Variants in SPAG17 observed in about 807,000 individuals in gnomAD.
The protein encoded by SPAG17 is sperm associated antigen 17.
Under a neutral mutation model 273.6 loss-of-function variants are expected in SPAG17, and 169 were observed. The ratio of observed to expected loss-of-function variants is 0.62; its 90% CI spans 0.55 to 0.70. SPAG17 has a LOEUF of 0.70. Ranked by LOEUF, SPAG17 falls within the 30% of genes least tolerant of loss-of-function variation. The pLI is 0.00. For synonymous variants in SPAG17, 825 were observed against 873.2 expected, an observed-to-expected ratio of 0.94 and a Z score of 0.97; for missense variants, 2,557 against 2,627.8, an observed-to-expected ratio of 0.97 and a Z score of 0.59.
chr1:118,155,962 T>G (rs935951229), intron 1 of SPAG17, among the ~76,000 whole-genome samples: 74 of 152,354 alleles, frequency 4.9e-4, no homozygotes, highest in African/African-American at 1.7e-3. Context: ...CATATTTGTG[T>G]GACTCTAACT....
chr1:118,069,631 T>C (rs1653369083), intron 17 of SPAG17, among the ~76,000 whole-genome samples: 1 of 152,106 alleles, frequency 6.6e-6, no homozygotes, highest in African/African-American at 2.4e-5. Flanking sequence ...TTGAGTAAGG[T>C]ATAATAATGT....
Position 117,954,025 on chromosome 1 carries a change from G to C in SPAG17, c.*25C>G. 6.2e-7 allele frequency: 1 copy of C among 1,611,762 alleles called. No homozygotes were observed. Among genetic ancestry groups the C allele is most frequent in the Non-Finnish European group, 8.5e-7 (1 of 1,178,632 alleles). On this transcript the variant is annotated 3_prime_UTR_variant, in exon 49 of 49. Transcript: ENST00000336338. ...TCTGTAGGCTGAGAGGATTATGGAGGCTATTGAGTTGTACCGAGAAGAAAC... is the reference window on the plus strand; with the variant it reads ...TCTGTAGGCTGAGAGGATTATGGAGCCTATTGAGTTGTACCGAGAAGAAAC...
chr1:118,111,896 A>C (rs1159048957), intron 4 of SPAG17, among the ~76,000 whole-genome samples: 1 of 152,210 alleles, frequency 6.6e-6, no homozygotes, highest in Non-Finnish European at 1.5e-5. Context: ...AGCAAAAGAA[A>C]GAACTAATTT....
chr1:118,015,974 G>C lies in SPAG17; in HGVS notation c.4278C>G (p.Val1426=), dbSNP rs1157354132. Residue 1426 remains valine (V), a synonymous_variant, in exon 29 of 49, where the codon GTC becomes GTG. Transcript: ENST00000336338. ...PLLSFQATDP[V]NGTVMTTRED... Reference sequence around the variant, plus strand: ...CAATAGTTTGTCATACCGTTCCATTGACAGGATCTGTGGCCTGAAAGGATA... The same window carrying C: ...CAATAGTTTGTCATACCGTTCCATTCACAGGATCTGTGGCCTGAAAGGATA... 9.3e-6 allele frequency: 15 copies of C among 1,613,680 alleles called. No homozygotes were observed. Among genetic ancestry groups the C allele is most frequent in the Non-Finnish European group, 1.3e-5 (15 of 1,179,836 alleles).
chr1:118,008,468 C>G (rs1019469317), intron 30 of SPAG17, among the ~76,000 whole-genome samples: 2 of 151,996 alleles, frequency 1.3e-5, no homozygotes, highest in African/African-American at 4.8e-5. Context: ...TTGAGAACAT[C>G]TGATTTTTCA....
At chr1:117,997,137 A>G (rs1311618477) in intron 32 of SPAG17, among the ~76,000 whole-genome samples, 1 of 152,126 alleles carries the variant, frequency 6.6e-6, no homozygotes, top group African/African-American at 2.4e-5. Context: ...ATAATCTGGG[A>G]TGTCAAACAC....
intron 43 of SPAG17, among the ~76,000 whole-genome samples, chr1:117,978,472 C>G (rs936157763): frequency 6.6e-6 from 1 of 152,154 alleles, no homozygotes; most frequent in Non-Finnish European, 1.5e-5. Context: ...CTGGCATCAT[C>G]AAGTTCTCTC....
chr1:118,041,749 C>A (rs1427638780), intron 21 of SPAG17, 54 bp downstream of exon 21: 1 of 1,563,524 alleles, frequency 6.4e-7, no homozygotes, highest in Admixed American at 2.1e-5. Context: ...CGTATTTTCC[C>A]AAAACAATTA....
Position 117,996,641 on chromosome 1 carries a change from G to A in SPAG17, c.4879C>T (p.Leu1627Phe), listed in dbSNP as rs1467293897. The A allele has an allele frequency of 6.2e-7, 1 of 1,611,986 alleles. No homozygotes were observed. Among genetic ancestry groups the A allele is most frequent in the Admixed American group, 1.7e-5 (1 of 59,654 alleles). ...TAGATTTGCTGATGATTCTTTTCAA[G>A]GTGCATAGAGGACAGACTATCATAG... is the stretch of plus-strand genomic sequence containing the variant. ...EGYDSLSSMH[L>F]EKNHQQIYGE... is the part of the protein sequence containing the mutation. Residue 1627 changes from leucine to phenylalanine, a missense_variant, in exon 33 of 49, where the codon CTT becomes TTT. By Grantham distance (22) the Leu-to-Phe change is conservative (BLOSUM62 0). Transcript: ENST00000336338.
chr1:118,010,416 C>T (rs1271480346), intron 30 of SPAG17, among the ~76,000 whole-genome samples: 1 of 152,060 alleles, frequency 6.6e-6, no homozygotes. Context: ...AGCCACACAC[C>T]TACAGTCATC....
intron 30 of SPAG17, among the ~76,000 whole-genome samples, chr1:118,010,566 A>C (rs576065254): frequency 6.6e-6 from 1 of 152,354 alleles, no homozygotes; most frequent in East Asian, 1.9e-4. Context: ...AATTATCTAA[A>C]GATGAATTAA....
intron 26 of SPAG17, among the ~76,000 whole-genome samples, chr1:118,026,677 C>T (rs1647785087): frequency 1.3e-5 from 2 of 152,098 alleles, no homozygotes; most frequent in Admixed American, 1.3e-4. Flanking sequence ...TTGGAAGACA[C>T]TTAGTGACCA....
At chr1:118,078,256 T>C (rs1443613415) in intron 15 of SPAG17, among the ~76,000 whole-genome samples, 1 of 152,132 alleles carries the variant, frequency 6.6e-6, no homozygotes, top group Non-Finnish European at 1.5e-5. Flanking sequence ...ATGTTATCAC[T>C]TTCTTAAAAT....
chr1:118,093,136 G>C lies in SPAG17; in HGVS notation c.1173+20C>G, dbSNP rs1655492812. ...TCAGTGAATCATTCATCCCACTAAA[G>C]ACATTGAGCCCATGCCTACCTCTGA... On this transcript the variant is annotated intron_variant, in intron 8 of 48. Transcript: ENST00000336338. The C allele has an allele frequency of 6.2e-7, 1 of 1,600,490 alleles. No homozygotes were observed. The highest frequency in any genetic ancestry group is 1.3e-5 in the African/African-American group (1 of 74,290).
intron 4 of SPAG17, among the ~76,000 whole-genome samples, chr1:118,103,301 C>G (rs1656187049): frequency 6.6e-6 from 1 of 152,096 alleles, no homozygotes; most frequent in African/African-American, 2.4e-5. Context: ...TAGTCGATCC[C>G]CAATGACACA....
rs576887736 is a variant in SPAG17 at position 118,153,140 on chromosome 1, T to C, written c.88-1771A>G. Among the ~76,000 whole-genome samples the C allele has an allele frequency of 9.4e-4, 143 of 152,272 alleles. 1 individual carries two copies. Among genetic ancestry groups the C allele is most frequent in the African/African-American group, 3.2e-3 (134 of 41,562 alleles). On this transcript the variant is annotated intron_variant, in intron 1 of 48. Coordinates refer to ENST00000336338, the MANE Select transcript of SPAG17 (RefSeq NM_206996.4). ...TTGTAGTCCATTACCCATCTACTTA[T>C]TAGTATTTGGTGTCAAGGCAGGTGT...
At chr1:118,040,553 A>C (rs890962421) in intron 22 of SPAG17, among the ~76,000 whole-genome samples, 177 bp downstream of exon 22, 2 of 152,196 alleles carry the variant, frequency 1.3e-5, no homozygotes, top group Non-Finnish European at 2.9e-5. Context: ...TATGCCTTGT[A>C]GAGTCAATTA....
At chr1:118,127,907 A>C (rs1657830336) in intron 3 of SPAG17, among the ~76,000 whole-genome samples, 1 of 152,094 alleles carries the variant, frequency 6.6e-6, no homozygotes, top group African/African-American at 2.4e-5. Flanking sequence ...GTGGATCATG[A>C]GGTCAAGAGA....
At chr1:118,048,754 G>A (rs1221065142) in intron 20 of SPAG17, among the ~76,000 whole-genome samples, 1 of 152,058 alleles carries the variant, frequency 6.6e-6, no homozygotes, top group Non-Finnish European at 1.5e-5. Context: ...AAATTTGCCA[G>A]GCATGGTGGT....
Sources: gnomAD v4.1 joint callset for allele counts (sites outside exome capture counted in the v4.1 genomes callset) on GRCh38, gnomAD v4.1.1 for gene constraint, MANE v1.5 for transcripts, NCBI Gene and HGNC (gene_info 2026-07-23, HGNC 2026-07-21) for gene names.